The following TSHZ2 variants were observed in gnomAD, a reference collection of about 807,000 sequenced individuals.
TSHZ2 encodes the protein teashirt homolog 2.
A neutral mutation model predicts 74.4 loss-of-function variants in TSHZ2; 21 were observed. The observed-to-expected ratio is 0.28, with a 90% CI of 0.20 to 0.41. The LOEUF (loss-of-function observed/expected upper bound fraction) is 0.41. Ranked by LOEUF, TSHZ2 falls within the 10% of genes least tolerant of loss-of-function variation. The pLI is 1.00. For synonymous variants in TSHZ2, 540 were observed against 515.3 expected (o/e 1.05, Z -0.65); for missense variants, 1,244 against 1,293.5 (o/e 0.96, Z 0.59).
At chr20:53,390,562 G>A (rs1186897721) in intron 2 of TSHZ2, among the ~76,000 whole-genome samples, 1 of 152,182 alleles carries the variant, frequency 6.6e-6, no homozygotes, top group Admixed American at 6.5e-5. Context: ...GCACAAGAGA[G>A]CAAGAAAGTC....
At chr20:52,983,519 T>C (rs1442354639) in intron 1 of TSHZ2, among the ~76,000 whole-genome samples, 1 of 152,230 alleles carries the variant, frequency 6.6e-6, no homozygotes, top group East Asian at 1.9e-4. Context: ...CATTCATATA[T>C]TGCTTTGTAT....
chr20:53,061,363 C>A (rs1477783238), intron 1 of TSHZ2, among the ~76,000 whole-genome samples: 1 of 152,118 alleles, frequency 6.6e-6, no homozygotes, highest in East Asian at 1.9e-4. Context: ...TGAGCTAAAC[C>A]CAAATGCATT....
intron 2 of TSHZ2, among the ~76,000 whole-genome samples, chr20:53,460,088 A>G (rs1243118101): frequency 2.0e-5 from 3 of 151,942 alleles, no homozygotes; most frequent in Non-Finnish European, 4.4e-5. Context: ...TATTTCCTGA[A>G]GCTGAACGTT....
chr20:53,360,723 G>A (rs1981018608), intron 2 of TSHZ2, among the ~76,000 whole-genome samples: 1 of 152,052 alleles, frequency 6.6e-6, no homozygotes, highest in Non-Finnish European at 1.5e-5. Context: ...TTTTCAGATG[G>A]GGAAACCAGA....
At chr20:53,126,791 C>G (rs1318194594) in intron 1 of TSHZ2, among the ~76,000 whole-genome samples, 1 of 152,154 alleles carries the variant, frequency 6.6e-6, no homozygotes, top group African/African-American at 2.4e-5. Context: ...AACTACTTGA[C>G]AAGCACCCCG....
intron 2 of TSHZ2, among the ~76,000 whole-genome samples, chr20:53,364,297 C>T (rs1482189433): frequency 6.6e-6 from 1 of 152,148 alleles, no homozygotes; most frequent in Admixed American, 6.5e-5. Context: ...ATAGACATAC[C>T]ACCTGCCCGG....
At chr20:52,997,875 T>C (rs1982264938) in intron 1 of TSHZ2, among the ~76,000 whole-genome samples, 1 of 152,192 alleles carries the variant, frequency 6.6e-6, no homozygotes, top group Admixed American at 6.5e-5. Context: ...GCTTTTAGGA[T>C]AAACAGATGG....
chr20:53,212,474 T>A (rs1434714782), intron 1 of TSHZ2, among the ~76,000 whole-genome samples: 1 of 152,220 alleles, frequency 6.6e-6, no homozygotes, highest in East Asian at 1.9e-4. Flanking sequence ...AATGAAGATG[T>A]GATGGACATT....
intron 1 of TSHZ2, among the ~76,000 whole-genome samples, chr20:53,089,348 C>G (rs1288233823): frequency 6.2e-5 from 5 of 81,138 alleles, no homozygotes; most frequent in African/African-American, 2.5e-4. Context: ...TTTTATTAAA[C>G]AGAGTTTTTC....
rs546441997 is a variant in TSHZ2, at chr20:53,105,853, C to T, written c.40+132520C>T. Among the ~76,000 whole-genome samples the T allele has an allele frequency of 1.1e-3, 170 of 152,084 alleles. 1 individual carries two copies. Among genetic ancestry groups the T allele is most frequent in the Non-Finnish European group, 2.1e-3 (144 of 67,990 alleles). On this transcript the variant is annotated intron_variant, in intron 1 of 2. Transcript: ENST00000371497. ...GTAGAGCTAGGGTTTTGCCATGTTG[C>T]ACGGGCTGGTCTCGAACGATCCTGG...
chr20:52,997,755 T>A (rs572026037), intron 1 of TSHZ2, among the ~76,000 whole-genome samples: 5 of 152,314 alleles, frequency 3.3e-5, no homozygotes, highest in African/African-American at 1.2e-4. Context: ...CTTTGTGGCT[T>A]CCAAAGGATT....
chr20:53,074,584 GA>G lies in TSHZ2; in HGVS notation c.40+101254del, dbSNP rs1985309663. Among the ~76,000 whole-genome samples, 2 of 152,134 alleles carry G rather than the reference GA, an allele frequency of 1.3e-5. No homozygotes were observed. Among genetic ancestry groups the G allele is most frequent in the Admixed American group, 1.3e-4 (2 of 15,268 alleles). ...TGGACAAAACTTGCAAAACAATGAAGAAAGGAAAGAAAATAGTGATTGCTAT... is the reference window on the plus strand; with the variant it reads ...TGGACAAAACTTGCAAAACAATGAAGAAGGAAAGAAAATAGTGATTGCTAT... On this transcript the variant is annotated intron_variant, in intron 1 of 2. Coordinates refer to ENST00000371497, the MANE Select transcript of TSHZ2 (RefSeq NM_173485.6). This position sits in a 1 kb window ranked among gnomAD's most constrained non-coding sequence, Gnocchi z 5.9.
At chr20:53,001,218 G>GTGTGTGTGTA (rs1982410074) in intron 1 of TSHZ2, among the ~76,000 whole-genome samples, 1 of 145,156 alleles carries the variant, frequency 6.9e-6, no homozygotes, top group African/African-American at 2.6e-5. Context: ...GTGTGTGTGT[G>GTGTGTGTGTA]TGTGTGTGTG....
At chr20:53,158,175 A>G (rs1051276161) in intron 1 of TSHZ2, among the ~76,000 whole-genome samples, 4 of 152,184 alleles carry the variant, frequency 2.6e-5, no homozygotes, top group African/African-American at 7.2e-5. Context: ...GGCTTTAGAG[A>G]CAGCAAGGAG....
At chr20:53,307,492 C>G (rs1325213386) in intron 2 of TSHZ2, among the ~76,000 whole-genome samples, 1 of 152,170 alleles carries the variant, frequency 6.6e-6, no homozygotes, top group African/African-American at 2.4e-5. Flanking sequence ...GCCATTAGAA[C>G]TTAATTGCCT....
chr20:53,424,239 C>G (rs549313956), intron 2 of TSHZ2, among the ~76,000 whole-genome samples: 17 of 152,320 alleles, frequency 1.1e-4, no homozygotes, highest in Admixed American at 9.8e-4. Context: ...AGTAGCACCT[C>G]CTCTCAAATC....
At chr20:53,199,623 C>G (rs1259044620) in intron 1 of TSHZ2, among the ~76,000 whole-genome samples, 1 of 152,194 alleles carries the variant, frequency 6.6e-6, no homozygotes, top group Non-Finnish European at 1.5e-5. Flanking sequence ...TTCCTTATCT[C>G]TGACATCTAG....
rs951534193 is a variant in TSHZ2, at chr20:53,256,983, C to A, written c.*8+412C>A. 3.3e-5 allele frequency among the ~76,000 whole-genome samples: 5 copies of A among 152,128 alleles called. No homozygotes were observed. The highest frequency in any genetic ancestry group is 1.2e-4 in the African/African-American group (5 of 41,424). ...GCAATGCCAATGACTTATAAAGTGA[C>A]AAAAAGTTGAGCAATGGAAGAAAGA... On this transcript the variant is annotated intron_variant, in intron 2 of 2. Transcript: ENST00000371497. The surrounding 1 kb of genome is among the most constrained non-coding windows in gnomAD (Gnocchi z 4.3).
chr20:53,004,922 A>T (rs1982581967), intron 1 of TSHZ2, among the ~76,000 whole-genome samples: 1 of 152,186 alleles, frequency 6.6e-6, no homozygotes, highest in Non-Finnish European at 1.5e-5. Context: ...GACAGGAGGA[A>T]ATTCATCTAA....
Sources: gnomAD v4.1 joint callset for allele counts (sites outside exome capture counted in the v4.1 genomes callset) on GRCh38, gnomAD v4.1.1 for gene constraint, Gnocchi (gnomAD v3.1) non-coding constraint, MANE v1.5 for transcripts, NCBI Gene and HGNC (gene_info 2026-07-23, HGNC 2026-07-21) for gene names.